The following SYNE1 variants were observed in gnomAD, a reference collection of about 807,000 sequenced individuals.
The protein encoded by SYNE1 is nesprin-1.
A neutral mutation model predicts 1,111.0 loss-of-function variants in SYNE1; 616 were observed. The observed-to-expected ratio is 0.55, with a 90% CI of 0.52 to 0.59. SYNE1 has a LOEUF of 0.59. SYNE1 is among the 20% of genes least tolerant of loss of function. The probability of loss-of-function intolerance (pLI) is 0.00; values close to 1 mark genes in which losing one functional copy is unlikely to be tolerated. For missense variants in SYNE1, 10,006 were observed against 10,417.0 expected (o/e 0.96, Z 1.72); for synonymous variants, 3,855 against 3,825.8 (o/e 1.01, Z -0.28).
intron 20 of SYNE1, 93 bp from the exon 21 acceptor site, chr6:152,461,833 A>C: frequency 6.5e-7 from 1 of 1,537,978 alleles, no homozygotes; most frequent in Non-Finnish European, 9.0e-7. Context: ...ATCAATATGC[A>C]CTGTATAAAA....
intron 138 of SYNE1, among the ~76,000 whole-genome samples, chr6:152,142,991 G>A (rs1173012975): frequency 6.6e-6 from 1 of 152,198 alleles, no homozygotes; most frequent in African/African-American, 2.4e-5. Context: ...GCGTAGGAAA[G>A]CAGGTAGTTC....
intron 128 of SYNE1, among the ~76,000 whole-genome samples, chr6:152,186,316 G>C (rs2069893300): frequency 6.6e-6 from 1 of 152,096 alleles, no homozygotes; most frequent in African/African-American, 2.4e-5. Flanking sequence ...CAGCACTTTG[G>C]GAGGCTGAGG....
chr6:152,621,593 T>A (rs2030918), intron 3 of SYNE1, among the ~76,000 whole-genome samples: 19,437 of 152,102 alleles, frequency 0.13, 1,679 homozygotes, highest in East Asian at 0.37. Context: ...CTTTTTTTTT[T>A]TTATTTAACT....
At chr6:152,363,353 GCA>G (rs2096975981) in intron 63 of SYNE1, among the ~76,000 whole-genome samples, 4 of 148,958 alleles carry the variant, frequency 2.7e-5, no homozygotes, top group South Asian at 2.1e-4. Context: ...AATTAGCCGG[GCA>G]TGGTGGCGGG....
chr6:152,359,561 C>T, intron 64 of SYNE1, 103 bp from the exon 65 acceptor site: 1 of 1,460,448 alleles, frequency 6.8e-7, no homozygotes, highest in South Asian at 1.2e-5. Flanking sequence ...CAAGTGACCT[C>T]AGGTTATTTA....
At chr6:152,216,934 A>G (rs2153448305) in intron 121 of SYNE1, among the ~76,000 whole-genome samples, 1 of 151,936 alleles carries the variant, frequency 6.6e-6, no homozygotes, top group African/African-American at 2.4e-5. Context: ...ATGGTGGCAC[A>G]TGCCTGTAGT....
In SYNE1 at chr6:152,456,031, C is replaced by G. The variant is rs760041639; in HGVS notation, c.2582G>C (p.Cys861Ser). Residue 861 changes from cysteine (C) to serine (S), a missense_variant, in exon 23 of 146, where the codon TGT becomes TCT. Cys to Ser is a moderately radical substitution (Grantham distance 112). This residue lies in a region of SYNE1 where 1,971 missense variants were observed against 2,084.1 expected (regional missense o/e 0.95). Transcript: ENST00000367255. ...CAAGGTTTTCTTACAGTTTTCTTGACAAGCTAACAGTTCCTATAACGAAAT... is the reference window on the plus strand; with the variant it reads ...CAAGGTTTTCTTACAGTTTTCTTGAGAAGCTAACAGTTCCTATAACGAAAT... ...FKQKHQELLA[C>S]QENCKKTLTL... 3.1e-6 allele frequency: 5 copies of G among 1,613,394 alleles called. No homozygotes were observed. The highest frequency in any genetic ancestry group is 4.2e-6 in the Non-Finnish European group (5 of 1,179,960).
intron 127 of SYNE1, among the ~76,000 whole-genome samples, chr6:152,195,939 A>C (rs1266315992): frequency 2.0e-5 from 3 of 152,130 alleles, no homozygotes; most frequent in Non-Finnish European, 2.9e-5. Context: ...AAACCTTAGA[A>C]ATCTACCTGG....
chr6:152,463,524 A>T lies in SYNE1; in HGVS notation c.1933-7T>A. ...GTAAATTTCGAAAAAAATCCTAAAC[A>T]ATAAATAATGCACAATATCATAAAC... On this transcript the variant is annotated splice_region_variant and splice_polypyrimidine_tract_variant and intron_variant, in intron 18 of 145. Coordinates refer to ENST00000367255, the MANE Select transcript of SYNE1 (RefSeq NM_182961.4). The T allele has an allele frequency of 6.2e-7, 1 of 1,609,000 alleles. No individual in the cohort carries two copies. Among genetic ancestry groups the T allele is most frequent in the Non-Finnish European group, 8.5e-7 (1 of 1,175,994 alleles).
At chr6:152,549,537 GTC>G (rs776981460) in intron 3 of SYNE1, among the ~76,000 whole-genome samples, 4 of 152,180 alleles carry the variant, frequency 2.6e-5, no homozygotes, top group Non-Finnish European at 5.9e-5. Flanking sequence ...CTTTGGGCCT[GTC>G]TCCTAGGCCT....
chr6:152,145,475 T>A, intron 137 of SYNE1: 1 of 1,613,316 alleles, frequency 6.2e-7, no homozygotes, highest in Non-Finnish European at 8.5e-7. Context: ...GGCTCCGGCT[T>A]GTTGTGCCTA....
At chr6:152,232,349 C>T in intron 112 of SYNE1, 84 bp from the exon 113 acceptor site, 1 of 1,428,514 alleles carries the variant, frequency 7.0e-7, no homozygotes, top group South Asian at 1.2e-5. Flanking sequence ...TACAATAATT[C>T]TTAAAAATGT....
chr6:152,535,485 A>G (rs1006201827), intron 4 of SYNE1, among the ~76,000 whole-genome samples: 3 of 152,164 alleles, frequency 2.0e-5, no homozygotes, highest in Non-Finnish European at 4.4e-5. Context: ...TGCTCATTCT[A>G]TATTGAAAAG....
chr6:152,154,610 C>G lies in SYNE1; in HGVS notation c.24129+282G>C, dbSNP rs17246069. ...AATAATTCTGAAATAAAAATCATGC[C>G]AAGATCTTTTGGGAGGAATCACGAT... is the stretch of plus-strand genomic sequence containing the variant. On this transcript the variant is annotated intron_variant, in intron 133 of 145. Coordinates refer to ENST00000367255, the MANE Select transcript of SYNE1 (RefSeq NM_182961.4). Among the ~76,000 whole-genome samples, 13,769 of 152,038 alleles carry G rather than the reference C, an allele frequency of 0.091. 797 individuals carry two copies. The highest frequency in any genetic ancestry group is 0.12 in the Non-Finnish European group (8,453 of 67,962).
At chr6:152,534,789 G>C (rs944300841) in intron 4 of SYNE1, among the ~76,000 whole-genome samples, 13 of 152,148 alleles carry the variant, frequency 8.5e-5, no homozygotes, top group African/African-American at 3.1e-4. Context: ...CTGGTGGAAA[G>C]ACAACTAAAG....
chr6:152,155,502 A>G (rs2061229902), intron 132 of SYNE1: 1 of 325,340 alleles, frequency 3.1e-6, no homozygotes, highest in African/African-American at 2.2e-5. Flanking sequence ...ACCAGAGAGC[A>G]CAGCCATGAT....
chr6:152,189,485 G>A (rs2153229881), intron 127 of SYNE1, 78 bp from the exon 128 acceptor site: 1 of 1,438,726 alleles, frequency 7.0e-7, no homozygotes, highest in Non-Finnish European at 9.7e-7. Context: ...ATCCCCTCTT[G>A]ATAGAATTTC....
chr6:152,447,729 G>A (rs2098604894), intron 28 of SYNE1, 107 bp from the exon 29 acceptor site: 4 of 1,323,982 alleles, frequency 3.0e-6, no homozygotes, highest in Non-Finnish European at 4.3e-6. Flanking sequence ...GCAGAATAGA[G>A]CCAGACATCA....
intron 50 of SYNE1, 53 bp from the exon 51 acceptor site, chr6:152,395,724 T>C: frequency 6.3e-7 from 1 of 1,586,634 alleles, no homozygotes; most frequent in Non-Finnish European, 8.6e-7. Flanking sequence ...TTATGATAAA[T>C]TACTTTTAAT....
Sources: gnomAD v4.1 joint callset for allele counts (sites outside exome capture counted in the v4.1 genomes callset) on GRCh38, gnomAD v4.1.1 for gene constraint, gnomAD v4.1.1 regional missense constraint, MANE v1.5 for transcripts, NCBI Gene and HGNC (gene_info 2026-07-23, HGNC 2026-07-21) for gene names.